The following PCDH9 variants were observed in gnomAD, a reference collection of about 807,000 sequenced individuals.
PCDH9 encodes the protein protocadherin-9.
PCDH9 carries 24 observed loss-of-function variants against 70.6 expected under a neutral mutation model. The ratio of observed to expected loss-of-function variants is 0.34; its 90% CI spans 0.25 to 0.48. PCDH9 has a LOEUF of 0.48. Among genes scored for constraint, PCDH9 ranks in the 20% least tolerant of loss-of-function variants. The pLI, the probability that PCDH9 is intolerant of heterozygous loss-of-function variation, is 0.99. For missense variants in PCDH9, 1,281 were observed against 1,503.6 expected (o/e 0.85, Z 2.45); for synonymous variants, 562 against 558.5 (o/e 1.01, Z -0.09).
chr13:66,844,107 C>G (rs1317463500), intron 3 of PCDH9, among the ~76,000 whole-genome samples: 2 of 151,948 alleles, frequency 1.3e-5, no homozygotes, highest in Non-Finnish European at 2.9e-5. Context: ...AGTTCTCAAT[C>G]TAGTTAATTT....
In PCDH9 at chr13:67,172,978, T is replaced by C. The variant is rs560897281; in HGVS notation, c.3036+52427A>G. Among the ~76,000 whole-genome samples, 6 of 150,630 alleles carry C rather than the reference T, an allele frequency of 4.0e-5. No homozygotes were observed. In the South Asian group the frequency reaches 6.3e-4, roughly 16 times the overall value. On this transcript the variant is annotated intron_variant, in intron 2 of 4. Coordinates refer to ENST00000377865, the MANE Select transcript of PCDH9 (RefSeq NM_203487.3). ...TTAAATATTGCAGGACTAACTAAAA[T>C]AATGCAGAAAACATAACTTTGCAAC...
At chr13:67,021,981 T>C (rs1014307727) in intron 2 of PCDH9, among the ~76,000 whole-genome samples, 88 of 152,062 alleles carry the variant, frequency 5.8e-4, no homozygotes, top group African/African-American at 2.0e-3. Context: ...ATTCACCAAG[T>C]GGAAAATTAG....
At chr13:67,155,850 A>G (rs908786906) in intron 2 of PCDH9, among the ~76,000 whole-genome samples, 1 of 152,060 alleles carries the variant, frequency 6.6e-6, no homozygotes, top group Non-Finnish European at 1.5e-5. Flanking sequence ...TCTAAATTCT[A>G]TTCATACCTT....
intron 4 of PCDH9, among the ~76,000 whole-genome samples, chr13:66,459,558 A>G (rs917876340): frequency 2.6e-5 from 4 of 151,888 alleles, no homozygotes; most frequent in Admixed American, 2.0e-4. Flanking sequence ...TTAAAAATGT[A>G]AAACCACAAA....
At position 67,198,034 on chromosome 13, in the gene PCDH9, A is replaced by G. The variant is rs2089117230; in HGVS notation, c.3036+27371T>C. Among the ~76,000 whole-genome samples the G allele has an allele frequency of 2.0e-5, 3 of 151,698 alleles. 1 individual carries two copies. The South Asian group carries it at 6.2e-4, about 31-fold the overall frequency. On this transcript the variant is annotated intron_variant, in intron 2 of 4. Coordinates refer to ENST00000377865, the MANE Select transcript of PCDH9 (RefSeq NM_203487.3). ...AATAAAACATAATTTTATTAAATAT[A>G]TATTTACACTAAAAATAGCAAATAG... is the stretch of plus-strand genomic sequence containing the variant.
intron 3 of PCDH9, among the ~76,000 whole-genome samples, chr13:66,645,745 G>C (rs995528461): frequency 2.2e-4 from 34 of 152,122 alleles, no homozygotes; most frequent in Non-Finnish European, 4.3e-4. Flanking sequence ...GACCCTGTTA[G>C]ATATTGAGAT....
At chr13:66,812,879 T>G (rs2080534313) in intron 3 of PCDH9, among the ~76,000 whole-genome samples, 1 of 152,208 alleles carries the variant, frequency 6.6e-6, no homozygotes, top group African/African-American at 2.4e-5. Context: ...ATGACTCCGA[T>G]GGCAACCATC....
At chr13:66,555,415 T>TA (rs755307624) in intron 4 of PCDH9, among the ~76,000 whole-genome samples, 6 of 36,462 alleles carry the variant, frequency 1.6e-4, no homozygotes, top group Non-Finnish European at 2.9e-4. Flanking sequence ...GGCTACATTC[T>TA]GGGGAAAAAA....
chr13:66,717,820 T>C (rs1013866417), intron 3 of PCDH9, among the ~76,000 whole-genome samples: 38 of 152,152 alleles, frequency 2.5e-4, no homozygotes, highest in African/African-American at 8.7e-4. Flanking sequence ...AAATGCCTCA[T>C]ATGTACATAT....
At chr13:66,997,612 G>T (rs1214713627) in intron 2 of PCDH9, among the ~76,000 whole-genome samples, 1 of 152,176 alleles carries the variant, frequency 6.6e-6, no homozygotes, top group Non-Finnish European at 1.5e-5. Context: ...TTGGCTCACT[G>T]CAAACTCCGC....
chr13:66,478,830 C>G (rs1326759083), intron 4 of PCDH9, among the ~76,000 whole-genome samples: 1 of 152,202 alleles, frequency 6.6e-6, no homozygotes, highest in Non-Finnish European at 1.5e-5. Flanking sequence ...GAAGCTGCAA[C>G]AAGTTAGCCA....
At chr13:66,830,173 G>A (rs1478141199) in intron 3 of PCDH9, among the ~76,000 whole-genome samples, 1 of 152,028 alleles carries the variant, frequency 6.6e-6, no homozygotes, top group Non-Finnish European at 1.5e-5. Context: ...AATAGAAGTA[G>A]GAATGTATTA....
chr13:66,605,494 A>G (rs2077211872), intron 4 of PCDH9, among the ~76,000 whole-genome samples: 2 of 152,148 alleles, frequency 1.3e-5, no homozygotes, highest in Non-Finnish European at 2.9e-5. Flanking sequence ...CATGATTTTT[A>G]TAAGCAGCAC....
At chr13:66,926,401 T>C (rs1321211953) in intron 2 of PCDH9, among the ~76,000 whole-genome samples, 1 of 151,980 alleles carries the variant, frequency 6.6e-6, no homozygotes, top group Non-Finnish European at 1.5e-5. Context: ...ATCACTAGGC[T>C]CCTAATCCAA....
intron 2 of PCDH9, chr13:67,216,918 G>A (rs940790340): frequency 3.3e-5 from 5 of 151,696 alleles, no homozygotes; most frequent in Non-Finnish European, 7.4e-5. Flanking sequence ...CATCCAATGT[G>A]AAAATCGGTT....
chr13:66,657,061 C>G (rs2077940905), intron 3 of PCDH9, among the ~76,000 whole-genome samples: 1 of 152,182 alleles, frequency 6.6e-6, no homozygotes, highest in Non-Finnish European at 1.5e-5. Context: ...TTTAATTACA[C>G]CGATTTGCCT....
intron 2 of PCDH9, among the ~76,000 whole-genome samples, chr13:66,924,917 C>CCTT (rs1431091916): frequency 6.6e-6 from 1 of 151,374 alleles, no homozygotes; most frequent in Admixed American, 6.6e-5. Flanking sequence ...GAATATAAGC[C>CCTT]CTTAATACTT....
rs567224353 is a variant in PCDH9, at chr13:66,354,926, T to C, written c.3341-49898A>G. On this transcript the variant is annotated intron_variant, in intron 4 of 4. Coordinates refer to ENST00000377865, the MANE Select transcript of PCDH9 (RefSeq NM_203487.3). ...AGGGCTTGTATTTTTCGAACCTTCA[T>C]GTGCATACAAGTTGCTAAAACCCAT... is the stretch of plus-strand genomic sequence containing the variant. Among the ~76,000 whole-genome samples the C allele has an allele frequency of 4.6e-5, 7 of 152,282 alleles. No homozygotes were observed. In the South Asian group the frequency reaches 1.0e-3, roughly 23 times the overall value.
intron 4 of PCDH9, among the ~76,000 whole-genome samples, chr13:66,436,420 C>T (rs1055901155): frequency 5.3e-5 from 8 of 152,146 alleles, no homozygotes; most frequent in Non-Finnish European, 5.9e-5. Flanking sequence ...ATAAATTACC[C>T]AGTCTCAGGT....
Sources: allele counts gnomAD v4.1 joint callset (sites outside exome capture counted in the v4.1 genomes callset), GRCh38; gene constraint gnomAD v4.1.1; transcripts MANE v1.5; gene names NCBI Gene and HGNC (gene_info 2026-07-23, HGNC 2026-07-21).